The following TRPM3 variants were observed in gnomAD, a reference collection of about 807,000 sequenced individuals.
The protein encoded by TRPM3 is long transient receptor potential channel 3.
Under a neutral mutation model 181.2 loss-of-function variants are expected in TRPM3, and 77 were observed. That is an observed-to-expected ratio of 0.42 (90% confidence interval 0.35 to 0.51). The LOEUF (loss-of-function observed/expected upper bound fraction) is 0.51. Ranked by LOEUF, TRPM3 falls within the 20% of genes least tolerant of loss-of-function variation. The pLI is 0.01. For missense variants in TRPM3, 1,759 were observed against 2,196.7 expected, an observed-to-expected ratio of 0.80 and a Z score of 3.98; for synonymous variants, 745 against 796.4, an observed-to-expected ratio of 0.94 and a Z score of 1.09.
At chr9:70,975,297 A>C (rs1398770535) in intron 1 of TRPM3, among the ~76,000 whole-genome samples, 1 of 152,202 alleles carries the variant, frequency 6.6e-6, no homozygotes, top group Non-Finnish European at 1.5e-5. Context: ...TAAAAGGCTA[A>C]TATAGGATTC....
chr9:70,821,177 TAAAG>T (rs2093135569), intron 6 of TRPM3, among the ~76,000 whole-genome samples: 1 of 152,218 alleles, frequency 6.6e-6, no homozygotes, highest in South Asian at 2.1e-4. Flanking sequence ...GCTACTGAGT[TAAAG>T]AAATATTTTT....
At chr9:70,666,579 A>G (rs1019587585) in intron 9 of TRPM3, among the ~76,000 whole-genome samples, 1 of 152,210 alleles carries the variant, frequency 6.6e-6, no homozygotes, top group African/African-American at 2.4e-5. Context: ...AAGTTGTATA[A>G]TAGCTTTCTG....
chr9:71,071,887 C>A (rs953504712), intron 1 of TRPM3, among the ~76,000 whole-genome samples: 10 of 152,174 alleles, frequency 6.6e-5, no homozygotes, highest in Non-Finnish European at 1.5e-4. Flanking sequence ...CAATACACTT[C>A]AGGTCTTTCT....
intron 19 of TRPM3, among the ~76,000 whole-genome samples, chr9:70,608,281 A>C (rs2061506991): frequency 6.6e-6 from 1 of 152,236 alleles, no homozygotes; most frequent in Admixed American, 6.5e-5. Context: ...TATTCGGCTC[A>C]AGTTTTTCTT....
intron 1 of TRPM3, among the ~76,000 whole-genome samples, chr9:70,870,639 A>G (rs1012491666): frequency 2.0e-5 from 3 of 152,058 alleles, no homozygotes; most frequent in Admixed American, 1.3e-4. Context: ...TCAACAGGAG[A>G]TGAATCAAAT....
chr9:70,690,205 T>C (rs1017784502), intron 8 of TRPM3, among the ~76,000 whole-genome samples: 2 of 152,172 alleles, frequency 1.3e-5, no homozygotes, highest in Non-Finnish European at 2.9e-5. Context: ...GTGTTAGATA[T>C]GTAAGAAATG....
intron 1 of TRPM3, among the ~76,000 whole-genome samples, chr9:71,252,847 C>CTCT (rs1554854926): frequency 1.8e-3 from 155 of 84,766 alleles, no homozygotes; most frequent in Non-Finnish European, 2.1e-3. Context: ...AATTTTGTCT[C>CTCT]TTTTTTTTTT....
intron 8 of TRPM3, among the ~76,000 whole-genome samples, chr9:70,760,534 G>A (rs1175849258): frequency 6.6e-6 from 1 of 151,430 alleles, no homozygotes; most frequent in African/African-American, 2.4e-5. Flanking sequence ...CAGCCAGACT[G>A]TGTACCTAGG....
chr9:70,800,352 C>A (rs957557194), intron 6 of TRPM3, among the ~76,000 whole-genome samples: 3 of 152,282 alleles, frequency 2.0e-5, no homozygotes, highest in Middle Eastern at 3.4e-3. Flanking sequence ...TAATATTATT[C>A]TCTCTCCCTA....
intron 1 of TRPM3, among the ~76,000 whole-genome samples, chr9:70,985,891 G>T (rs2134070675): frequency 6.6e-6 from 1 of 152,322 alleles, no homozygotes. Flanking sequence ...AGGACAGGAT[G>T]GAGGGAGAAT....
At chr9:70,787,336 A>G (rs1176060746) in intron 6 of TRPM3, among the ~76,000 whole-genome samples, 1 of 152,206 alleles carries the variant, frequency 6.6e-6, no homozygotes, top group Non-Finnish European at 1.5e-5. Flanking sequence ...AACATTGAAT[A>G]TATCTATGCT....
chr9:70,840,605 G>C (rs2094574560), intron 5 of TRPM3, among the ~76,000 whole-genome samples: 1 of 151,930 alleles, frequency 6.6e-6, no homozygotes, highest in South Asian at 2.1e-4. Context: ...GAAGAAGAAT[G>C]GGAAGAAACA....
chr9:71,174,919 C>G (rs1041752678), intron 1 of TRPM3, among the ~76,000 whole-genome samples: 1 of 152,034 alleles, frequency 6.6e-6, no homozygotes, highest in African/African-American at 2.4e-5. Flanking sequence ...ATAGTGAGAG[C>G]TAATCTTTAA....
At chr9:70,591,278 A>G (rs928061799) in intron 21 of TRPM3, 73 bp from the exon 22 acceptor site, 2 of 1,337,854 alleles carry the variant, frequency 1.5e-6, no homozygotes, top group Non-Finnish European at 2.1e-6. Flanking sequence ...AATTGCTGAC[A>G]ATGATGGGAA....
intron 1 of TRPM3, among the ~76,000 whole-genome samples, chr9:71,045,415 G>T (rs981098363): frequency 6.6e-6 from 1 of 152,036 alleles, no homozygotes; most frequent in Admixed American, 6.6e-5. Flanking sequence ...TGATTTCTCG[G>T]CCACACTGTA....
chr9:70,575,101 C>T (rs557196740), intron 22 of TRPM3, among the ~76,000 whole-genome samples: 1 of 128,926 alleles, frequency 7.8e-6, no homozygotes, highest in South Asian at 2.6e-4. Flanking sequence ...GCCACCACAT[C>T]CCGCATAATT....
chr9:71,015,346 ATTAG>A (rs1465863498), intron 1 of TRPM3, among the ~76,000 whole-genome samples: 1 of 152,126 alleles, frequency 6.6e-6, no homozygotes, highest in Non-Finnish European at 1.5e-5. Context: ...CTATCTTCCT[ATTAG>A]TTGTAGGTAA....
At position 71,282,307 on chromosome 9, in the gene TRPM3, G is replaced by A. The variant is rs537253405; in HGVS notation, c.183+164346C>T. On this transcript the variant is annotated intron_variant, in intron 1 of 24. Coordinates refer to the TRPM3 transcript ENST00000357533. ...AAAGAAAGAAAGAAAAAGAAAGAAC[G>A]AAAGAAAGAAAGAAAGGAAAGAAAG... Among the ~76,000 whole-genome samples the A allele has an allele frequency of 7.6e-5, 6 of 78,476 alleles. 1 individual carries two copies. The highest frequency in any genetic ancestry group is 8.1e-4 in the South Asian group (2 of 2,460). The allele number at this position is 78,476 out of a possible 152,430, so 51.5% of individuals were successfully genotyped here.
rs569909403 is a variant in TRPM3, at chr9:71,076,931, G to A, written c.177+44247C>T. On this transcript the variant is annotated intron_variant, in intron 1 of 25. Coordinates refer to ENST00000677713, the MANE Select transcript of TRPM3 (RefSeq NM_001366145.2). ...TCCTTTCTCTAATAACAGTTTCCAGGGCATACACTTTTTCAAAAACAGGAG... is the reference window on the plus strand; with the variant it reads ...TCCTTTCTCTAATAACAGTTTCCAGAGCATACACTTTTTCAAAAACAGGAG... 2.6e-5 allele frequency among the ~76,000 whole-genome samples: 4 copies of A among 152,164 alleles called. No individual in the cohort carries two copies. The South Asian group carries it at 8.3e-4, about 32-fold the overall frequency.
Sources: allele counts gnomAD v4.1 joint callset (sites outside exome capture counted in the v4.1 genomes callset), GRCh38; gene constraint gnomAD v4.1.1; transcripts MANE v1.5; gene names NCBI Gene and HGNC (gene_info 2026-07-23, HGNC 2026-07-21).